Variants in RAB6A observed in about 807,000 individuals in gnomAD.
RAB6A encodes the protein ras-related protein Rab-6A.
In RAB6A, 8 loss-of-function variants were observed where a neutral mutation model predicts 32.3. The observed-to-expected ratio is 0.25, with a 90% confidence interval of 0.15 to 0.45. RAB6A has a LOEUF of 0.45. Ranked by LOEUF, RAB6A falls within the 20% of genes least tolerant of loss-of-function variation. The pLI is 1.00. For synonymous variants in RAB6A, 73 were observed against 82.1 expected, an observed-to-expected ratio of 0.89 and a Z score of 0.60; for missense variants, 104 against 249.4, an observed-to-expected ratio of 0.42 and a Z score of 3.93.
chr11:73,701,974 A>G (rs1054160663), intron 6 of RAB6A, among the ~76,000 whole-genome samples: 2 of 152,232 alleles, frequency 1.3e-5, no homozygotes, highest in Non-Finnish European at 2.9e-5. Context: ...ACATACAAAA[A>G]GTCAACAGAT....
At chr11:73,709,261 C>T (rs1026738225) in intron 5 of RAB6A, among the ~76,000 whole-genome samples, 1 of 151,730 alleles carries the variant, frequency 6.6e-6, no homozygotes, top group African/African-American at 2.4e-5. Context: ...TTCCAATGTC[C>T]TTTATAGCAA....
At chr11:73,760,491 G>A in intron 1 of RAB6A, 75 bp downstream of exon 1, 3 of 1,514,368 alleles carry the variant, frequency 2.0e-6, no homozygotes, top group Non-Finnish European at 2.7e-6. Context: ...AGCCTCCGCG[G>A]ACGGAAGGGC....
chr11:73,705,757 A>G (rs191565678), intron 6 of RAB6A, among the ~76,000 whole-genome samples: 2 of 133,300 alleles, frequency 1.5e-5, no homozygotes. Flanking sequence ...CTGGGAATAT[A>G]TAATTCCGAT....
intron 5 of RAB6A, among the ~76,000 whole-genome samples, chr11:73,710,702 A>G (rs1457573360): frequency 6.6e-6 from 1 of 150,824 alleles, no homozygotes; most frequent in Non-Finnish European, 1.5e-5. Flanking sequence ...GTGCTATTGC[A>G]CTCCAGCCTG....
At chr11:73,721,730 T>G (rs1590861958) in intron 2 of RAB6A, among the ~76,000 whole-genome samples, 1 of 152,152 alleles carries the variant, frequency 6.6e-6, no homozygotes, top group East Asian at 1.9e-4. Flanking sequence ...ACATATACTA[T>G]GTATATATGT....
At chr11:73,726,581 CAAAAAAA>C (rs60281561) in intron 2 of RAB6A, among the ~76,000 whole-genome samples, 28 of 29,864 alleles carry the variant, frequency 9.4e-4, no homozygotes, top group African/African-American at 3.4e-3. Context: ...GACTCTGTCT[CAAAAAAA>C]AAAAAAAAAA....
At chr11:73,696,171 G>C (rs1005488883) in intron 6 of RAB6A, among the ~76,000 whole-genome samples, 1 of 152,040 alleles carries the variant, frequency 6.6e-6, no homozygotes, top group Non-Finnish European at 1.5e-5. Flanking sequence ...TCTTAGATGA[G>C]TGTTCATTAT....
rs1330773426 is a variant in RAB6A at position 73,675,947 on chromosome 11, G to A, written c.*1951C>T. 6 of 167,036 alleles carry A rather than the reference G, an allele frequency of 3.6e-5. No homozygotes were observed. Among genetic ancestry groups the A allele is most frequent in the African/African-American group, 9.7e-5 (4 of 41,434 alleles). The allele number at this position is 167,036 out of a possible 1,614,324, so 10.3% of individuals were successfully genotyped here. The stretch of plus-strand genomic sequence containing the variant: ...ACATGCCATGTCAAAATAAAACAAA[G>A]AGTCAACCCTTGCCTTTAACAATTA... On this transcript the variant is annotated 3_prime_UTR_variant, in exon 8 of 8. Transcript: ENST00000336083.
At chr11:73,728,092 A>C (rs1193858452) in intron 2 of RAB6A, among the ~76,000 whole-genome samples, 3 of 152,246 alleles carry the variant, frequency 2.0e-5, no homozygotes, top group Admixed American at 2.0e-4. Context: ...AATTTTAAAG[A>C]GTTAACATGG....
chr11:73,676,009 TC>T lies in RAB6A; in HGVS notation c.*1888del, dbSNP rs1945265167. The stretch of plus-strand genomic sequence containing the variant: ...AAAAGCACTTTACAACTCCATCCCA[TC>T]TTTAAGTATAAGTTACTGGTATGTG... On this transcript the variant is annotated 3_prime_UTR_variant, in exon 8 of 8. Transcript: ENST00000336083. 1 of 127,280 alleles carries T rather than the reference TC, an allele frequency of 7.9e-6. No homozygotes were observed. Among genetic ancestry groups the T allele is most frequent in the Non-Finnish European group, 2.2e-5 (1 of 45,356 alleles). The allele number at this position is 127,280 out of a possible 1,614,324, so 7.9% of individuals were successfully genotyped here.
intron 1 of RAB6A, among the ~76,000 whole-genome samples, chr11:73,759,635 T>C (rs1209929754): frequency 2.6e-5 from 4 of 152,148 alleles, no homozygotes; most frequent in Non-Finnish European, 4.4e-5. Context: ...CAATATATCA[T>C]TGGAAAATAC....
Position 73,720,829 on chromosome 11 carries a change from C to T in RAB6A, c.183+17G>A, listed in dbSNP as rs1946124859. The T allele has an allele frequency of 6.3e-7, 1 of 1,588,794 alleles. No homozygotes were observed. Among genetic ancestry groups the T allele is most frequent in the Non-Finnish European group, 8.6e-7 (1 of 1,162,568 alleles). On this transcript the variant is annotated intron_variant, in intron 3 of 7. Coordinates refer to ENST00000336083, the MANE Select transcript of RAB6A (RefSeq NM_198896.2). ...CTGGAATGTTGCAGAAAATTGCACACTGAAAATATTACTCACTGTTCGATC... is the reference window on the plus strand; with the variant it reads ...CTGGAATGTTGCAGAAAATTGCACATTGAAAATATTACTCACTGTTCGATC...
At position 73,677,865 on chromosome 11, in the gene RAB6A, GCTT is replaced by G. The variant is rs771925675; in HGVS notation, c.*30_*32del. The G allele has an allele frequency of 6.2e-7, 1 of 1,613,574 alleles. No individual in the cohort carries two copies. Among genetic ancestry groups the G allele is most frequent in the Non-Finnish European group, 8.5e-7 (1 of 1,179,474 alleles). On this transcript the variant is annotated 3_prime_UTR_variant, in exon 8 of 8. Coordinates refer to ENST00000336083, the MANE Select transcript of RAB6A (RefSeq NM_198896.2). Reference sequence around the variant, plus strand: ...AAGAGTAAGGGGGCCAAAGCAGTGAGCTTCTGAAGAAGGTTGAAGATGACATGG... The same window carrying G: ...AAGAGTAAGGGGGCCAAAGCAGTGAGCTGAAGAAGGTTGAAGATGACATGG...
intron 3 of RAB6A, among the ~76,000 whole-genome samples, chr11:73,719,129 T>G (rs1213968968): frequency 2.0e-5 from 3 of 152,118 alleles, no homozygotes; most frequent in Non-Finnish European, 4.4e-5. Context: ...TGGGAAAAAT[T>G]TCACAGAATC....
At chr11:73,714,991 C>T (rs1946032011) in intron 5 of RAB6A, among the ~76,000 whole-genome samples, 2 of 152,118 alleles carry the variant, frequency 1.3e-5, no homozygotes, top group South Asian at 4.1e-4. Context: ...CCTACAAAGT[C>T]TCTAGAGTGA....
At chr11:73,696,380 TAG>T (rs1945656043) in intron 6 of RAB6A, among the ~76,000 whole-genome samples, 1 of 151,990 alleles carries the variant, frequency 6.6e-6, no homozygotes, top group Non-Finnish European at 1.5e-5. Flanking sequence ...GTATTTTCAG[TAG>T]AGACTTTGGC....
intron 6 of RAB6A, among the ~76,000 whole-genome samples, chr11:73,691,736 G>A (rs560071787): frequency 2.0e-4 from 30 of 152,274 alleles, no homozygotes; most frequent in Non-Finnish European, 3.5e-4. Flanking sequence ...CGAGGCAGGC[G>A]GATGACCTGA....
intron 6 of RAB6A, among the ~76,000 whole-genome samples, chr11:73,707,125 G>GAAAAAAAAAA (rs397744539): frequency 8.6e-6 from 1 of 116,252 alleles, no homozygotes; most frequent in Admixed American, 9.1e-5. Context: ...TCTCAAAAAA[G>GAAAAAAAAAA]AAAAAAAAAA....
chr11:73,709,964 T>A (rs375510716), intron 5 of RAB6A, among the ~76,000 whole-genome samples: 78,779 of 140,704 alleles, frequency 0.56, 23,401 homozygotes, highest in East Asian at 0.69. Flanking sequence ...TATATATATT[T>A]TTTTTTTTTT....
Sources: gnomAD v4.1 joint callset for allele counts (sites outside exome capture counted in the v4.1 genomes callset) on GRCh38, gnomAD v4.1.1 for gene constraint, MANE v1.5 for transcripts, NCBI Gene and HGNC (gene_info 2026-07-23, HGNC 2026-07-21) for gene names.